Variants in TTC39B observed in about 807,000 individuals in gnomAD.
TTC39B encodes tetratricopeptide repeat protein 39B.
TTC39B carries 92 observed loss-of-function variants against 96.6 expected under a neutral mutation model. The observed-to-expected ratio is 0.95, with a 90% CI of 0.80 to 1.13. The LOEUF is 1.13. TTC39B is among the 50% of genes most tolerant of loss of function. The pLI is 0.00. For synonymous variants in TTC39B, 367 were observed against 299.4 expected, an observed-to-expected ratio of 1.23 and a Z score of -2.33; for missense variants, 955 against 809.3, an observed-to-expected ratio of 1.18 and a Z score of -2.18.
intron 3 of TTC39B, among the ~76,000 whole-genome samples, chr9:15,223,254 G>T (rs78574023): frequency 0.051 from 7,720 of 152,222 alleles, 236 homozygotes; most frequent in South Asian, 0.067. Context: ...AAGAAACCAT[G>T]GTTGTCAAAA....
chr9:15,251,360 C>T (rs918845473), intron 2 of TTC39B, among the ~76,000 whole-genome samples: 23 of 151,792 alleles, frequency 1.5e-4, no homozygotes, highest in African/African-American at 2.7e-4. Flanking sequence ...GTTGGGAACT[C>T]GAGACCAGCC....
At chr9:15,190,994 C>T (rs1243447719) in intron 10 of TTC39B, among the ~76,000 whole-genome samples, 196 bp downstream of exon 10, 1 of 152,024 alleles carries the variant, frequency 6.6e-6, no homozygotes, top group Non-Finnish European at 1.5e-5. Flanking sequence ...CAAGGGTGAA[C>T]ATTTTTAACT....
chr9:15,177,837 G>T, intron 17 of TTC39B, 23 bp from the exon 18 acceptor site: 4 of 742,742 alleles, frequency 5.4e-6, no homozygotes, highest in Non-Finnish European at 6.7e-6. Flanking sequence ...AACATACAAA[G>T]AAAACACACA....
chr9:15,254,934 T>A (rs1221448072), intron 2 of TTC39B, among the ~76,000 whole-genome samples: 1 of 150,646 alleles, frequency 6.6e-6, no homozygotes, highest in East Asian at 2.0e-4. Flanking sequence ...TCCTAACTAC[T>A]AAAATAAATA....
intron 1 of TTC39B, among the ~76,000 whole-genome samples, chr9:15,285,127 T>C (rs550254823): frequency 1.6e-4 from 25 of 151,946 alleles, no homozygotes; most frequent in South Asian, 8.3e-4. Context: ...CAGCCGGGCG[T>C]GGTGGCGGGC....
At chr9:15,223,534 G>C (rs1820960284) in intron 3 of TTC39B, among the ~76,000 whole-genome samples, 2 of 152,192 alleles carry the variant, frequency 1.3e-5, no homozygotes, top group South Asian at 4.1e-4. Context: ...AGTAACATAT[G>C]AGGTATGGCG....
Position 15,187,048 on chromosome 9 carries a change from A to G in TTC39B, c.1396-13T>C. 6.2e-7 allele frequency: 1 copy of G among 1,604,412 alleles called. No homozygotes were observed. ...ACACATAAGTTGCCTTGAGAAAAAG[A>G]AGGAGCTTATTACAGAACATCCCTA... On this transcript the variant is annotated splice_polypyrimidine_tract_variant and intron_variant, in intron 14 of 19. Coordinates refer to ENST00000512701, the Ensembl canonical transcript of TTC39B.
chr9:15,291,585 T>C (rs1313772423), intron 1 of TTC39B, among the ~76,000 whole-genome samples: 2 of 152,246 alleles, frequency 1.3e-5, no homozygotes. Flanking sequence ...ATATGGATGA[T>C]GACTTTTCCT....
At chr9:15,267,306 G>T (rs778906185) in intron 2 of TTC39B, among the ~76,000 whole-genome samples, 8 of 152,202 alleles carry the variant, frequency 5.3e-5, no homozygotes, top group Non-Finnish European at 8.8e-5. Context: ...AACTAATACA[G>T]GAAGGCAATT....
exon 20 of TTC39B, chr9:15,168,556 A>G (rs1817569475): frequency 6.6e-6 from 1 of 152,180 alleles, no homozygotes; most frequent in South Asian, 2.1e-4. Flanking sequence ...ATTTATGAAG[A>G]TCAACAGACT....
chr9:15,298,020 C>CA (rs1439635794), intron 1 of TTC39B, among the ~76,000 whole-genome samples: 2 of 152,214 alleles, frequency 1.3e-5, no homozygotes, highest in Non-Finnish European at 2.9e-5. Flanking sequence ...GACCTACCCT[C>CA]ACCCAAAGTT....
intron 2 of TTC39B, among the ~76,000 whole-genome samples, chr9:15,243,158 G>A (rs565506341): frequency 1.3e-5 from 2 of 152,214 alleles, no homozygotes; most frequent in Admixed American, 1.3e-4. Flanking sequence ...CATGTCAGAA[G>A]GAGGAGAGAG....
chr9:15,277,574 T>C (rs550583803), intron 1 of TTC39B, among the ~76,000 whole-genome samples: 6 of 151,964 alleles, frequency 3.9e-5, no homozygotes, highest in African/African-American at 1.4e-4. Flanking sequence ...CAGTGAGACA[T>C]TGCCCAACAC....
At chr9:15,207,564 G>A (rs1318163626) in intron 6 of TTC39B, among the ~76,000 whole-genome samples, 3 of 152,176 alleles carry the variant, frequency 2.0e-5, no homozygotes, top group Non-Finnish European at 4.4e-5. Context: ...ACTCTGCTAG[G>A]TGGGGAATCC....
intron 2 of TTC39B, among the ~76,000 whole-genome samples, chr9:15,228,848 A>G (rs1478893320): frequency 1.3e-5 from 2 of 152,266 alleles, no homozygotes; most frequent in Non-Finnish European, 2.9e-5. Flanking sequence ...TGACTTTAGC[A>G]GAATATAATA....
In TTC39B at chr9:15,244,753, C is replaced by T. The variant is rs149554446; in HGVS notation, c.276-18741G>A. ...GCAGCATTTGCCATTTGCATTGCAT[C>T]GCTCCACGTTGGAATGCAGATATTT... On this transcript the variant is annotated intron_variant, in intron 2 of 19. Coordinates refer to ENST00000512701, the Ensembl canonical transcript of TTC39B. Among the ~76,000 whole-genome samples, 391 of 152,274 alleles carry T rather than the reference C, an allele frequency of 2.6e-3. 2 individuals are homozygous for T. Among genetic ancestry groups the T allele is most frequent in the African/African-American group, 9.0e-3 (375 of 41,552 alleles).
At chr9:15,258,708 A>G (rs2131528459) in intron 2 of TTC39B, among the ~76,000 whole-genome samples, 1 of 152,250 alleles carries the variant, frequency 6.6e-6, no homozygotes, top group South Asian at 2.1e-4. Flanking sequence ...AGTCACAAAG[A>G]TCCTGCTCAT....
chr9:15,243,063 C>A (rs563947935), intron 2 of TTC39B, among the ~76,000 whole-genome samples: 1 of 152,276 alleles, frequency 6.6e-6, no homozygotes, highest in South Asian at 2.1e-4. Context: ...GAGGCCAATG[C>A]AAAGACAACA....
chr9:15,240,725 A>T (rs903980178), intron 2 of TTC39B, among the ~76,000 whole-genome samples: 14 of 152,316 alleles, frequency 9.2e-5, no homozygotes, highest in African/African-American at 3.4e-4. Flanking sequence ...CCCTCTCCAC[A>T]TGAAGAAGTC....
Sources: gnomAD v4.1 joint callset for allele counts (sites outside exome capture counted in the v4.1 genomes callset) on GRCh38, gnomAD v4.1.1 for gene constraint, MANE v1.5 for transcripts, NCBI Gene and HGNC (gene_info 2026-07-23, HGNC 2026-07-21) for gene names.